The following CFAP69 variants were observed in gnomAD, a reference collection of about 807,000 sequenced individuals.
CFAP69 encodes cilia and flagella associated protein 69, also known as cilia- and flagella-associated protein 69.
Under a neutral mutation model 123.0 loss-of-function variants are expected in CFAP69, and 92 were observed. The ratio of observed to expected loss-of-function variants is 0.75; its 90% CI spans 0.63 to 0.89. The LOEUF (loss-of-function observed/expected upper bound fraction) is 0.89, where lower values mean the gene tolerates loss of function less well. Ranked by LOEUF, CFAP69 falls within the 40% of genes least tolerant of loss-of-function variation. CFAP69 has a pLI of 0.00. For missense variants in CFAP69, 1,067 were observed against 1,096.9 expected, an observed-to-expected ratio of 0.97 and a Z score of 0.39; for synonymous variants, 380 against 364.3, an observed-to-expected ratio of 1.04 and a Z score of -0.49.
chr7:90,317,122 A>G, the CFAP69 span: 2 of 152,102 alleles, frequency 1.3e-5, no homozygotes, highest in Admixed American at 6.5e-5. Flanking sequence ...AAGCAGTTTA[A>G]TGATAAAGAA....
chr7:90,255,442 A>T lies in CFAP69; in HGVS notation c.140A>T (p.Asp47Val), dbSNP rs1206404573. The T allele has an allele frequency of 6.2e-7, 1 of 1,612,786 alleles. No individual in the cohort carries two copies. ...TTTTAGGATGTTTTCAAGCCTATGG[A>T]CCTTAATCGTGTCATCAAACTCCTC... ...DEAQDVFKPM[D>V]LNRVIKLLEE... Residue 47 changes from aspartate to valine, a missense_variant, in exon 2 of 23, where the codon GAC (aspartate) becomes GTC (valine). Asp to Val is a radical substitution (Grantham distance 152). Transcript: ENST00000389297.
Position 90,286,108 on chromosome 7 carries a change from C to T in CFAP69, c.1538-173C>T, listed in dbSNP as rs1790235667. Among the ~76,000 whole-genome samples the T allele has an allele frequency of 2.6e-5, 4 of 152,036 alleles. No homozygotes were observed. The South Asian group carries it at 8.3e-4, about 32-fold the overall frequency. ...CTTGAGCTGAGGAATTCAAGATTAG[C>T]CTAGGCAACATAATGAGACCCTGTC... On this transcript the variant is annotated intron_variant, in intron 13 of 22. Transcript: ENST00000389297.
chr7:90,250,187 G>GGAGAGAGAGAGAGAGA (rs10527106), intron 1 of CFAP69, among the ~76,000 whole-genome samples: 1,434 of 125,588 alleles, frequency 0.011, 63 homozygotes, highest in Non-Finnish European at 0.013. Context: ...TTTAAAGAGA[G>GGAGAGAGAGAGAGAGA]GAGAGAGAGA....
chr7:90,280,934 G>C (rs551719896), intron 12 of CFAP69, among the ~76,000 whole-genome samples: 1 of 152,120 alleles, frequency 6.6e-6, no homozygotes, highest in Admixed American at 6.5e-5. Flanking sequence ...ATTTAGTCTT[G>C]TAAAATTATT....
chr7:90,257,679 C>T (rs573889885), intron 2 of CFAP69, among the ~76,000 whole-genome samples: 40 of 152,300 alleles, frequency 2.6e-4, no homozygotes, highest in Non-Finnish European at 5.3e-4. Context: ...TAGTTCCATC[C>T]ATGCTGCTAC....
the CFAP69 span, chr7:90,322,610 G>A: frequency 4.6e-5 from 7 of 152,078 alleles, no homozygotes; most frequent in South Asian, 2.1e-4. Flanking sequence ...GTTCCTGTCC[G>A]TCTTTTTTGA....
intron 3 of CFAP69, among the ~76,000 whole-genome samples, chr7:90,259,436 G>A (rs1189122660): frequency 1.3e-5 from 2 of 151,918 alleles, no homozygotes; most frequent in African/African-American, 2.4e-5. Flanking sequence ...CACTACCTTT[G>A]GATAAGAACC....
rs1019701421 is a variant in CFAP69 at position 90,258,229 on chromosome 7, T to C, written c.246+66T>C. ...TGAAATGAGAATTTCTTTTAGAAAA[T>C]GTGTTAGTTTTCCATTGCTGTTGTA... On this transcript the variant is annotated intron_variant, in intron 3 of 22. Coordinates refer to ENST00000389297, the MANE Select transcript of CFAP69 (RefSeq NM_001039706.3). 4.3e-6 allele frequency: 5 copies of C among 1,176,298 alleles called. No homozygotes were observed. The African/African-American group carries it at 7.8e-5, about 18-fold the overall frequency. The allele number at this position is 1,176,298 out of a possible 1,614,324, so 72.9% of individuals were successfully genotyped here.
In CFAP69 at chr7:90,268,344, T is replaced by A. The variant is rs376199817; in HGVS notation, c.492T>A (p.Val164=). 1.9e-6 allele frequency: 3 copies of A among 1,610,636 alleles called. No homozygotes were observed. In the African/African-American group the frequency reaches 4.0e-5, roughly 22 times the overall value. The part of the protein sequence containing the change: ...ELRIQICKCI[V]DFYHAEPPKK... ...GGATACAAATTTGTAAGTGTATTGT[T>A]GATTTTTATCATGCAGAACCACCAA... The change falls in exon 6 of 23, where the codon GTT becomes GTA. Residue 164 remains valine, a synonymous_variant. Coordinates refer to ENST00000389297, the MANE Select transcript of CFAP69 (RefSeq NM_001039706.3).
Position 90,289,206 on chromosome 7 carries a change from G to A in CFAP69, c.1775+854G>A, listed in dbSNP as rs139798183. On this transcript the variant is annotated intron_variant, in intron 15 of 22. Transcript: ENST00000389297. ...AATGCCCAGATCTGGGCATTTTTAC[G>A]TCTGTTCAGCTTTAGGAGATAATAC... 2.7e-3 allele frequency among the ~76,000 whole-genome samples: 414 copies of A among 151,840 alleles called. 2 individuals carry two copies. The highest frequency in any genetic ancestry group is 9.2e-3 in the African/African-American group (381 of 41,456).
At chr7:90,288,142 TA>T in intron 14 of CFAP69, 91 bp from the exon 15 acceptor site, 2 of 962,238 alleles carry the variant, frequency 2.1e-6, no homozygotes, top group Non-Finnish European at 1.5e-6. Context: ...ATTTCTCTGG[TA>T]AAAAAGCAAT....
rs1438296367 is a variant in CFAP69, at chr7:90,271,865, T to C, written c.767T>C (p.Leu256Pro). The stretch of plus-strand genomic sequence containing the variant: ...AATGACCCAGATCCCTCTGGACAGC[T>C]TTTATTTCGTTCATCAGAAATACTT... ...HLNDPDPSGQ[L>P]LFRSSEILWN... The change falls in exon 8 of 23, where the codon CTT (leucine) becomes CCT (proline). Residue 256 changes from leucine to proline, a missense_variant. Physicochemically the swap from Leu to Pro is moderately conservative, Grantham distance 98. Coordinates refer to ENST00000389297, the MANE Select transcript of CFAP69 (RefSeq NM_001039706.3). 1.2e-6 allele frequency: 2 copies of C among 1,609,554 alleles called. No homozygotes were observed. The highest frequency in any genetic ancestry group is 4.5e-5 in the East Asian group (2 of 44,728).
In CFAP69 at chr7:90,306,919, G is replaced by A; in HGVS notation, c.2284G>A (p.Glu762Lys). ...LDFKIGEIWNEIYEEIKLEKL... is the reference protein window; with the variant it reads ...LDFKIGEIWNKIYEEIKLEKL... ...ATAACAGATTGGAGAAATATGGAAT[G>A]AAATATATGAAGAAATAAAATTAGA... Residue 762 changes from glutamate to lysine, a missense_variant, in exon 20 of 23, where the codon GAA becomes AAA. Transcript: ENST00000389297. 6.6e-7 allele frequency: 1 copy of A among 1,526,370 alleles called. No homozygotes were observed. Among genetic ancestry groups the A allele is most frequent in the Non-Finnish European group, 9.0e-7 (1 of 1,111,900 alleles). 94.6% of individuals were successfully genotyped at this position (1,526,370 alleles called of 1,614,324 possible).
At chr7:90,304,982 A>T (rs899841582) in intron 19 of CFAP69, among the ~76,000 whole-genome samples, 162 bp downstream of exon 19, 2 of 152,122 alleles carry the variant, frequency 1.3e-5, no homozygotes, top group Admixed American at 6.5e-5. Context: ...CCATACACCC[A>T]TCCCATGATT....
chr7:90,313,173 T>C (rs1302640400), downstream of CFAP69, among the ~76,000 whole-genome samples: 3 of 152,224 alleles, frequency 2.0e-5, no homozygotes, highest in Non-Finnish European at 4.4e-5. Context: ...TTCTAGAATG[T>C]ATGAATCTGG....
chr7:90,308,563 T>C (rs887387751), intron 21 of CFAP69, among the ~76,000 whole-genome samples: 10 of 152,164 alleles, frequency 6.6e-5, no homozygotes, highest in African/African-American at 2.2e-4. Context: ...TGCTAAATGT[T>C]AAGTTAGTCC....
At chr7:90,287,820 A>T (rs754996960) in intron 14 of CFAP69, 3 of 856,766 alleles carry the variant, frequency 3.5e-6, no homozygotes, top group Non-Finnish European at 4.2e-6. Flanking sequence ...AACTACATTT[A>T]TATCTTATTT....
chr7:90,264,102 AAAATATATATATAT>A (rs1300478505), intron 4 of CFAP69, among the ~76,000 whole-genome samples: 10 of 33,824 alleles, frequency 3.0e-4, no homozygotes, highest in African/African-American at 8.4e-4. Flanking sequence ...AAAAAAAAAA[AAAATATATATATAT>A]ATATATATAT....
At chr7:90,251,569 C>T (rs117159836) in intron 1 of CFAP69, among the ~76,000 whole-genome samples, 226 of 152,220 alleles carry the variant, frequency 1.5e-3, no homozygotes, top group Middle Eastern at 6.8e-3. Flanking sequence ...TTTTAAGATC[C>T]TTGTGTTACA....
Sources: gnomAD v4.1 joint callset for allele counts (sites outside exome capture counted in the v4.1 genomes callset) on GRCh38, gnomAD v4.1.1 for gene constraint, MANE v1.5 for transcripts, NCBI Gene and HGNC (gene_info 2026-07-23, HGNC 2026-07-21) for gene names.